The following CFAP99 variants were observed in gnomAD, a reference collection of about 807,000 sequenced individuals.
The protein encoded by CFAP99 is cilia and flagella associated protein 99, also known as cilia- and flagella-associated protein 99.
CFAP99 carries 84 observed loss-of-function variants against 82.7 expected under a neutral mutation model. That is an observed-to-expected ratio of 1.02 (90% CI 0.85 to 1.22). The LOEUF is 1.22. Among genes scored for constraint, CFAP99 ranks in the 50% most tolerant of loss-of-function variants. The pLI, the probability that CFAP99 is intolerant of heterozygous loss-of-function variation, is 0.00. For synonymous variants in CFAP99, 456 were observed against 429.5 expected, an observed-to-expected ratio of 1.06 and a Z score of -0.76; for missense variants, 1,059 against 983.5, an observed-to-expected ratio of 1.08 and a Z score of -1.03.
At chr4:2,432,444 G>A (rs575290449) in intron 2 of CFAP99, among the ~76,000 whole-genome samples, 2 of 152,308 alleles carry the variant, frequency 1.3e-5, no homozygotes, top group Admixed American at 6.5e-5. Flanking sequence ...TGAGAAGTGC[G>A]GCCCTGCAGC....
At chr4:2,425,031 T>C (rs1246013167) in intron 1 of CFAP99, among the ~76,000 whole-genome samples, 1 of 152,234 alleles carries the variant, frequency 6.6e-6, no homozygotes, top group African/African-American at 2.4e-5. Context: ...TATAGCTTCA[T>C]CTTTTTCTAC....
exon 2 of CFAP99, chr4:2,426,571 G>A (rs373488467): frequency 5.6e-5 from 86 of 1,535,406 alleles, no homozygotes; most frequent in East Asian, 5.1e-4. Flanking sequence ...TGGAGGCTGC[G>A]GCCACCTCCC....
intron 11 of CFAP99, among the ~76,000 whole-genome samples, chr4:2,457,768 C>A (rs28489141): frequency 6.6e-6 from 1 of 152,140 alleles, no homozygotes; most frequent in Non-Finnish European, 1.5e-5. Context: ...TCCTCTGTGC[C>A]GACTCCCTAT....
rs1334700951 is a variant in CFAP99 at position 2,448,330 on chromosome 4, C to T, written c.643-1340C>T. Among the ~76,000 whole-genome samples the T allele has an allele frequency of 6.6e-6, 1 of 152,200 alleles. No homozygotes were observed. The highest frequency in any genetic ancestry group is 1.9e-4 in the East Asian group (1 of 5,200). ...GGCCCTCACCATGTCCTCCCATGCTCTATAGCTGTGTGCCTCTCAGTACAA... is the reference window on the plus strand; with the variant it reads ...GGCCCTCACCATGTCCTCCCATGCTTTATAGCTGTGTGCCTCTCAGTACAA... On this transcript the variant is annotated intron_variant, in intron 6 of 14. Transcript: ENST00000635017. This position sits in a 1 kb window ranked among gnomAD's most constrained non-coding sequence, Gnocchi z 5.2.
intron 4 of CFAP99, 36 bp from the exon 5 acceptor site, chr4:2,443,093 AG>A: frequency 8.2e-7 from 1 of 1,212,562 alleles, no homozygotes; most frequent in Non-Finnish European, 1.2e-6. Flanking sequence ...GGTTGGGCCC[AG>A]GGCTCCGGCC....
intron 10 of CFAP99, 85 bp from the exon 11 acceptor site, chr4:2,452,057 C>G: frequency 7.1e-7 from 1 of 1,406,870 alleles, no homozygotes; most frequent in Non-Finnish European, 9.7e-7. Context: ...TGCGCAGCCA[C>G]TGTCCCTCAG....
intron 2 of CFAP99, 59 bp from the exon 3 acceptor site, chr4:2,436,815 C>T: frequency 2.1e-6 from 3 of 1,417,036 alleles, no homozygotes; most frequent in Non-Finnish European, 2.9e-6. Context: ...GTCCCACCCC[C>T]ACCGCCGCCC....
At chr4:2,453,388 A>C (rs563699319) in intron 11 of CFAP99, among the ~76,000 whole-genome samples, 1 of 152,294 alleles carries the variant, frequency 6.6e-6, no homozygotes, top group African/African-American at 2.4e-5. Context: ...ATGTCACACC[A>C]AAGAGTAACT....
intron 2 of CFAP99, among the ~76,000 whole-genome samples, chr4:2,429,672 A>G (rs1457260517): frequency 6.6e-6 from 1 of 151,564 alleles, no homozygotes; most frequent in East Asian, 1.9e-4. Flanking sequence ...GCTCACTGCA[A>G]GCTCCGCCTC....
In CFAP99 at chr4:2,441,991, C is replaced by T. The variant is rs185307944; in HGVS notation, c.352-1139C>T. ...GCCCCACAGCTCCAGGGAATCTGCC[C>T]GCTGGCAGAGGGGGAGTCAGACCCA... On this transcript the variant is annotated intron_variant, in intron 4 of 14. Coordinates refer to ENST00000635017, the Ensembl canonical transcript of CFAP99. Among the ~76,000 whole-genome samples, 11 of 152,320 alleles carry T rather than the reference C, an allele frequency of 7.2e-5. No homozygotes were observed. In the East Asian group the frequency reaches 1.7e-3, roughly 24 times the overall value.
At chr4:2,458,200 G>A (rs535286204) in intron 11 of CFAP99, among the ~76,000 whole-genome samples, 2 of 152,186 alleles carry the variant, frequency 1.3e-5, no homozygotes, top group Non-Finnish European at 2.9e-5. Context: ...TGACTGAGAC[G>A]GGAATCTTGG....
At chr4:2,451,477 G>A in intron 10 of CFAP99, 125 bp downstream of exon 10, 1 of 817,830 alleles carries the variant, frequency 1.2e-6, no homozygotes. Flanking sequence ...AACAGGCTGT[G>A]GTCCTGCAGC....
At chr4:2,427,643 T>C (rs73074373) in intron 2 of CFAP99, 6,720 of 152,892 alleles carry the variant, frequency 0.044, 513 homozygotes, top group African/African-American at 0.15. Context: ...GCACGGCCCC[T>C]GGGGGCTGCC....
At chr4:2,456,660 C>T (rs574553376) in intron 11 of CFAP99, among the ~76,000 whole-genome samples, 2 of 152,156 alleles carry the variant, frequency 1.3e-5, no homozygotes, top group African/African-American at 4.8e-5. Context: ...GCTGGGATTA[C>T]AGGCATGCAC....
chr4:2,454,581 C>CTTTTTTTTTTTTTGTTTTT (rs200727697), intron 11 of CFAP99, among the ~76,000 whole-genome samples: 1 of 94,722 alleles, frequency 1.1e-5, no homozygotes, highest in African/African-American at 4.2e-5. Flanking sequence ...TGTTTTTTTT[C>CTTTTTTTTTTTTTGTTTTT]TTTTTTTTTT....
rs145511193 is a variant in CFAP99 at position 2,458,842 on chromosome 4, C to T, written c.1281C>T (p.Leu427=). The change falls in exon 12 of 15, where the codon CTC becomes CTT. Residue 427 remains leucine (L), a synonymous_variant. Transcript: ENST00000635017. ...ACGCCAAGGCGGCCCAGACGAAGCT[C>T]GCGAAGGGCCGACAGCAGACAGGTA... 151 of 1,535,546 alleles carry T rather than the reference C, an allele frequency of 9.8e-5. 1 individual carries two copies. The highest frequency in any genetic ancestry group is 5.3e-4 in the African/African-American group (39 of 73,154).
chr4:2,443,187 A>C, exon 5 of CFAP99: 1 of 1,535,722 alleles, frequency 6.5e-7, no homozygotes. Flanking sequence ...GGATGAGTGG[A>C]GCCTCATCTA....
chr4:2,424,368 G>A (rs751520640), intron 1 of CFAP99, among the ~76,000 whole-genome samples: 5 of 152,210 alleles, frequency 3.3e-5, no homozygotes, highest in Admixed American at 6.5e-5. Flanking sequence ...CAGGAGAGTC[G>A]CTTGAATCTG....
Position 2,449,667 on chromosome 4 carries a change from C to T in CFAP99, c.643-3C>T, listed in dbSNP as rs1049959465. 3 of 1,535,954 alleles carry T rather than the reference C, an allele frequency of 2.0e-6. No homozygotes were observed. The highest frequency in any genetic ancestry group is 1.4e-5 in the African/African-American group (1 of 73,036). On this transcript the variant is annotated splice_region_variant and splice_polypyrimidine_tract_variant and intron_variant, in intron 6 of 14. Transcript: ENST00000635017. ...TAGGCTCTTCCTCCCACCACTTCAG[C>T]AGGTCCCCCAGAGCACCTACCAGCC...
Sources: allele counts gnomAD v4.1 joint callset (sites outside exome capture counted in the v4.1 genomes callset), GRCh38; gene constraint gnomAD v4.1.1; non-coding constraint Gnocchi (gnomAD v3.1); transcripts MANE v1.5; gene names NCBI Gene and HGNC (gene_info 2026-07-23, HGNC 2026-07-21).